Variants in DOCK4 observed in about 807,000 individuals in gnomAD.
DOCK4 encodes the protein dedicator of cytokinesis protein 4.
In DOCK4, 97 loss-of-function variants were observed where a neutral mutation model predicts 268.1. That is an observed-to-expected ratio of 0.36 (90% CI 0.31 to 0.43). The LOEUF (loss-of-function observed/expected upper bound fraction) is 0.43. Among genes scored for constraint, DOCK4 ranks in the 20% least tolerant of loss-of-function variants. The pLI, the probability that DOCK4 is intolerant of heterozygous loss-of-function variation, is 1.00. For missense variants in DOCK4, 2,145 were observed against 2,455.7 expected (o/e 0.87, Z 2.67); for synonymous variants, 954 against 887.2 (o/e 1.08, Z -1.34).
chr7:112,106,243 G>A (rs1811140082), intron 1 of DOCK4, among the ~76,000 whole-genome samples: 1 of 152,170 alleles, frequency 6.6e-6, no homozygotes, highest in South Asian at 2.1e-4. Flanking sequence ...CTATTTGTCA[G>A]ACAGGTTGAG....
At chr7:111,826,702 TG>T (rs1253554295) in intron 26 of DOCK4, among the ~76,000 whole-genome samples, 4 of 151,412 alleles carry the variant, frequency 2.6e-5, no homozygotes, top group Non-Finnish European at 4.4e-5. Context: ...GACATAAAAA[TG>T]GGAACAGACA....
At chr7:112,180,156 TA>T (rs1219823834) in intron 1 of DOCK4, among the ~76,000 whole-genome samples, 1 of 151,920 alleles carries the variant, frequency 6.6e-6, no homozygotes, top group Non-Finnish European at 1.5e-5. Flanking sequence ...AAACAGACCA[TA>T]AAAGAGAAAT....
At chr7:111,750,058 C>T (rs1457131766) in intron 42 of DOCK4, among the ~76,000 whole-genome samples, 1 of 152,148 alleles carries the variant, frequency 6.6e-6, no homozygotes, top group Non-Finnish European at 1.5e-5. Context: ...ATTACAATCT[C>T]TAAATATTGT....
At chr7:112,039,373 T>TGGGG (rs35222499) in intron 1 of DOCK4, among the ~76,000 whole-genome samples, 1 of 122,318 alleles carries the variant, frequency 8.2e-6, no homozygotes, top group African/African-American at 3.1e-5. Flanking sequence ...GGATTTCATA[T>TGGGG]GGGGGGGGGG....
rs557223769 is a variant in DOCK4, at chr7:112,013,326, T to G, written c.38-9195A>C. On this transcript the variant is annotated intron_variant, in intron 1 of 52. Transcript: ENST00000428084. ...AAATTCTTACAATTACTCCCCCTTT[T>G]GCTCTGATGACTAAGCCAATTTCCA... Among the ~76,000 whole-genome samples the G allele has an allele frequency of 4.6e-5, 7 of 152,354 alleles. No individual in the cohort carries two copies. In the East Asian group the frequency reaches 1.4e-3, roughly 29 times the overall value.
intron 1 of DOCK4, among the ~76,000 whole-genome samples, chr7:112,142,512 T>G (rs184071612): frequency 6.6e-6 from 1 of 152,224 alleles, no homozygotes. Flanking sequence ...TCATCACTAA[T>G]GCATTTCTAA....
chr7:112,118,905 A>G (rs534951990), intron 1 of DOCK4, among the ~76,000 whole-genome samples: 2 of 152,254 alleles, frequency 1.3e-5, no homozygotes, highest in South Asian at 2.1e-4. Context: ...ATTTTTCCCT[A>G]AATGTAGATG....
intron 17 of DOCK4, among the ~76,000 whole-genome samples, chr7:111,872,819 T>G (rs1223216143): frequency 6.6e-6 from 1 of 152,200 alleles, no homozygotes; most frequent in Non-Finnish European, 1.5e-5. Context: ...TGTTGCTTCA[T>G]TTTGGAAGCC....
At position 111,728,747 on chromosome 7, in the gene DOCK4, G is replaced by T. The variant is rs541342120; in HGVS notation, c.5482-27C>A. ...TGCTCCGGGGAGAAGGAAACGAGAG[G>T]GAGACACAGCATTGAGTCGTGAACG... On this transcript the variant is annotated intron_variant, in intron 52 of 52. Coordinates refer to ENST00000428084, the MANE Select transcript of DOCK4 (RefSeq NM_001363540.2). 5.1e-6 allele frequency: 8 copies of T among 1,577,242 alleles called. No individual in the cohort carries two copies. In the African/African-American group the frequency reaches 6.7e-5, roughly 13 times the overall value.
In DOCK4 at chr7:111,825,253, C is replaced by T. The variant is rs75634150; in HGVS notation, c.2836-2797G>A. Among the ~76,000 whole-genome samples, 719 of 152,274 alleles carry T rather than the reference C, an allele frequency of 4.7e-3. 4 individuals are homozygous for T. The highest frequency in any genetic ancestry group is 0.016 in the African/African-American group (680 of 41,548). Reference sequence around the variant, plus strand: ...CATGTTGTCATAACACAAATACCTTCCATTTTAGTATTTACATGTAATTTA... The same window carrying T: ...CATGTTGTCATAACACAAATACCTTTCATTTTAGTATTTACATGTAATTTA... On this transcript the variant is annotated intron_variant, in intron 26 of 52. Coordinates refer to ENST00000428084, the MANE Select transcript of DOCK4 (RefSeq NM_001363540.2).
chr7:111,869,683 T>G lies in DOCK4; in HGVS notation c.2028-28A>C, dbSNP rs1018475310. Reference sequence around the variant, plus strand: ...AAAATACAGGGGAAAATGTGCAGAATGTAAAATTGGTCTAATTCTCAATTA... The same window carrying G: ...AAAATACAGGGGAAAATGTGCAGAAGGTAAAATTGGTCTAATTCTCAATTA... On this transcript the variant is annotated intron_variant, in intron 20 of 52. Transcript: ENST00000428084. 3 of 1,600,938 alleles carry G rather than the reference T, an allele frequency of 1.9e-6. No homozygotes were observed. In the African/African-American group the frequency reaches 4.0e-5, roughly 21 times the overall value.
chr7:112,140,791 T>C (rs967339409), intron 1 of DOCK4, among the ~76,000 whole-genome samples: 1 of 152,108 alleles, frequency 6.6e-6, no homozygotes, highest in Non-Finnish European at 1.5e-5. Context: ...TTAAGCCTTG[T>C]TGGCAACCTT....
At position 111,788,588 on chromosome 7, in the gene DOCK4, G is replaced by T. The variant is rs140433419; in HGVS notation, c.3401+74C>A. On this transcript the variant is annotated intron_variant, in intron 32 of 52. Coordinates refer to ENST00000428084, the MANE Select transcript of DOCK4 (RefSeq NM_001363540.2). ...GCTGTCTTTGCAGCTCTCAGCTACCGTGGTGCAGAGAGGCTCAGTACTGAC... is the reference window on the plus strand; with the variant it reads ...GCTGTCTTTGCAGCTCTCAGCTACCTTGGTGCAGAGAGGCTCAGTACTGAC... The T allele has an allele frequency of 6.6e-6, 8 of 1,206,662 alleles. No homozygotes were observed. The African/African-American group carries it at 9.0e-5, about 14-fold the overall frequency. 74.7% of individuals were successfully genotyped at this position (1,206,662 alleles called of 1,614,324 possible). A position where few individuals can be genotyped will look rare whatever the true frequency, so the allele number is the denominator to read the frequency against.
chr7:112,145,344 T>C (rs1179358298), intron 1 of DOCK4, among the ~76,000 whole-genome samples: 2 of 152,084 alleles, frequency 1.3e-5, no homozygotes, highest in Non-Finnish European at 2.9e-5. Context: ...CCCTAAAATC[T>C]CTCTTAAACA....
intron 1 of DOCK4, among the ~76,000 whole-genome samples, chr7:112,014,570 CCTT>C (rs1801645479): frequency 6.8e-6 from 1 of 147,752 alleles, no homozygotes; most frequent in Admixed American, 6.7e-5. Flanking sequence ...GGCTAGTTCT[CCTT>C]CTACACCTCA....
intron 7 of DOCK4, among the ~76,000 whole-genome samples, chr7:111,977,520 C>T (rs1034388410): frequency 2.0e-5 from 3 of 152,090 alleles, no homozygotes; most frequent in Admixed American, 1.3e-4. Flanking sequence ...TCCAAATTTT[C>T]TTCCAACTTC....
At chr7:111,972,086 C>T (rs952500274) in intron 8 of DOCK4, 10 of 153,030 alleles carry the variant, frequency 6.5e-5, no homozygotes, top group African/African-American at 2.4e-4. Context: ...ACTTCTATAG[C>T]ATAGACAATT....
chr7:112,092,427 G>A (rs1458591113), intron 1 of DOCK4, among the ~76,000 whole-genome samples: 1 of 152,050 alleles, frequency 6.6e-6, no homozygotes, highest in Non-Finnish European at 1.5e-5. Flanking sequence ...TCAATTATGT[G>A]TCTGCAAAAC....
chr7:111,783,576 T>G (rs1798941700), intron 34 of DOCK4, among the ~76,000 whole-genome samples: 2 of 152,074 alleles, frequency 1.3e-5, no homozygotes, highest in African/African-American at 4.8e-5. Context: ...AGATTTTTTT[T>G]TTTTTTGAGA....
Sources: gnomAD v4.1 joint callset for allele counts (sites outside exome capture counted in the v4.1 genomes callset) on GRCh38, gnomAD v4.1.1 for gene constraint, MANE v1.5 for transcripts, NCBI Gene and HGNC (gene_info 2026-07-23, HGNC 2026-07-21) for gene names.